Variants in AUTS2 observed in about 807,000 individuals in gnomAD.
AUTS2 encodes autism susceptibility gene 2 protein.
A neutral mutation model predicts 112.4 loss-of-function variants in AUTS2; 17 were observed. The ratio of observed to expected loss-of-function variants is 0.15; its 90% CI spans 0.10 to 0.23. The LOEUF is 0.23. AUTS2 is among the 10% of genes least tolerant of loss of function. The pLI, the probability that AUTS2 is intolerant of heterozygous loss-of-function variation, is 1.00. For synonymous variants in AUTS2, 751 were observed against 702.7 expected (o/e 1.07, Z -1.09); for missense variants, 1,510 against 1,701.6 (o/e 0.89, Z 1.98).
At chr7:69,734,918 T>A (rs1466231384) in intron 1 of AUTS2, among the ~76,000 whole-genome samples, 3 of 152,182 alleles carry the variant, frequency 2.0e-5, no homozygotes, top group Admixed American at 2.0e-4. Context: ...GTAAACCATA[T>A]GGGACATGTA....
At chr7:70,085,834 CCCAAGGCCCATGGG>C (rs1282483171) in intron 2 of AUTS2, among the ~76,000 whole-genome samples, 8 of 152,118 alleles carry the variant, frequency 5.3e-5, no homozygotes, top group Admixed American at 3.9e-4. Flanking sequence ...AGGTTGCCAA[CCCAAGGCCCATGGG>C]CCAAGAAAAG....
intron 4 of AUTS2, among the ~76,000 whole-genome samples, chr7:70,311,729 T>G (rs1481948473): frequency 1.3e-5 from 2 of 152,026 alleles, no homozygotes; most frequent in African/African-American, 4.8e-5. Flanking sequence ...GCGAATTTTT[T>G]TTTTTGAGAC....
chr7:69,897,711 C>G (rs1348813242), intron 1 of AUTS2, among the ~76,000 whole-genome samples: 6 of 151,966 alleles, frequency 3.9e-5, no homozygotes, highest in Admixed American at 3.9e-4. Context: ...GAGCCAAGGT[C>G]GTGCTGTTGC....
At chr7:69,768,574 G>A (rs1788529721) in intron 1 of AUTS2, among the ~76,000 whole-genome samples, 1 of 152,218 alleles carries the variant, frequency 6.6e-6, no homozygotes, top group Non-Finnish European at 1.5e-5. Flanking sequence ...GTCAGGTGTA[G>A]AAGAGTGAGC....
At chr7:70,742,154 A>G (rs1307120877) in intron 6 of AUTS2, among the ~76,000 whole-genome samples, 1 of 152,224 alleles carries the variant, frequency 6.6e-6, no homozygotes, top group African/African-American at 2.4e-5. Flanking sequence ...GCACTGGTAT[A>G]TAAGGATACA....
intron 4 of AUTS2, among the ~76,000 whole-genome samples, chr7:70,219,033 G>C (rs1287890765): frequency 1.3e-5 from 2 of 152,158 alleles, no homozygotes; most frequent in Admixed American, 1.3e-4. Context: ...GTAAACAGTA[G>C]CTTGTCTCTT....
At chr7:70,448,723 T>C (rs1031279569) in intron 5 of AUTS2, among the ~76,000 whole-genome samples, 2 of 152,214 alleles carry the variant, frequency 1.3e-5, no homozygotes, top group Admixed American at 6.5e-5. Flanking sequence ...TAAGTTACAC[T>C]TGCACCCTCA....
In AUTS2 at chr7:70,544,442, G is replaced by A. The variant is rs550566445; in HGVS notation, c.690+108661G>A. The stretch of plus-strand genomic sequence containing the variant: ...TTTATTCATTCCAACTAGTTAGGCC[G>A]AGAAATGATACACAGGACAGTACAG... On this transcript the variant is annotated intron_variant, in intron 5 of 18. Transcript: ENST00000342771. 1.4e-4 allele frequency among the ~76,000 whole-genome samples: 21 copies of A among 152,228 alleles called. No individual in the cohort carries two copies. The East Asian group carries it at 3.7e-3, about 27-fold the overall frequency.
intron 1 of AUTS2, among the ~76,000 whole-genome samples, chr7:69,825,161 T>C (rs1279411166): frequency 6.6e-6 from 1 of 152,234 alleles, no homozygotes; most frequent in African/African-American, 2.4e-5. Flanking sequence ...TGAGGCCACA[T>C]GTCCTTTAAC....
At chr7:69,895,551 C>CCT (rs1554400694) in intron 1 of AUTS2, among the ~76,000 whole-genome samples, 2 of 147,542 alleles carry the variant, frequency 1.4e-5, no homozygotes, top group African/African-American at 2.5e-5. Flanking sequence ...CTTCCCCCCC[C>CCT]CCGAGTGGAA....
intron 5 of AUTS2, among the ~76,000 whole-genome samples, chr7:70,679,188 T>G (rs1808081580): frequency 1.3e-5 from 2 of 152,168 alleles, no homozygotes; most frequent in South Asian, 4.1e-4. Context: ...TGTTAGAAAT[T>G]TTTCAAAATA....
intron 1 of AUTS2, among the ~76,000 whole-genome samples, chr7:69,627,067 T>G (rs1793989265): frequency 6.6e-6 from 1 of 152,212 alleles, no homozygotes; most frequent in Non-Finnish European, 1.5e-5. Flanking sequence ...ATGGTAACAT[T>G]TGTTTCATTC....
chr7:69,666,922 A>T (rs1315719565), intron 1 of AUTS2, among the ~76,000 whole-genome samples: 1 of 152,060 alleles, frequency 6.6e-6, no homozygotes, highest in Non-Finnish European at 1.5e-5. Context: ...ACAAAACAAA[A>T]TACAGTACAT....
At chr7:69,611,490 A>G (rs969596611) in intron 1 of AUTS2, among the ~76,000 whole-genome samples, 6 of 152,236 alleles carry the variant, frequency 3.9e-5, no homozygotes, top group African/African-American at 7.2e-5. Context: ...CTTCAGTTGA[A>G]AGAATATAAA....
At chr7:70,389,981 G>A (rs994089875) in intron 4 of AUTS2, among the ~76,000 whole-genome samples, 1 of 152,132 alleles carries the variant, frequency 6.6e-6, no homozygotes, top group African/African-American at 2.4e-5. Flanking sequence ...TATTTTAGAT[G>A]GTGCTTCATC....
At chr7:70,401,162 G>A (rs1794310336) in intron 4 of AUTS2, among the ~76,000 whole-genome samples, 1 of 152,184 alleles carries the variant, frequency 6.6e-6, no homozygotes, top group African/African-American at 2.4e-5. Flanking sequence ...GTTTAGAGAA[G>A]CTGCTCTCCA....
intron 4 of AUTS2, among the ~76,000 whole-genome samples, chr7:70,287,955 C>T (rs1788540146): frequency 6.6e-6 from 1 of 151,992 alleles, no homozygotes; most frequent in African/African-American, 2.4e-5. Flanking sequence ...CTTAGATATT[C>T]CCCCAAAGGT....
chr7:69,936,378 C>G (rs538608550), intron 2 of AUTS2, among the ~76,000 whole-genome samples: 1 of 152,162 alleles, frequency 6.6e-6, no homozygotes, highest in African/African-American at 2.4e-5. Flanking sequence ...GAGACAGAGT[C>G]TCTCTCTGTC....
chr7:69,833,624 G>A (rs758412496), intron 1 of AUTS2, among the ~76,000 whole-genome samples: 1 of 151,980 alleles, frequency 6.6e-6, no homozygotes, highest in Non-Finnish European at 1.5e-5. Flanking sequence ...TATTAGAGTC[G>A]GGGTTTCGCC....
Sources: gnomAD v4.1 joint callset for allele counts (sites outside exome capture counted in the v4.1 genomes callset) on GRCh38, gnomAD v4.1.1 for gene constraint, MANE v1.5 for transcripts, NCBI Gene and HGNC (gene_info 2026-07-23, HGNC 2026-07-21) for gene names.